Variants in COL14A1 observed in about 807,000 individuals in gnomAD.
COL14A1 encodes collagen alpha-1(XIV) chain.
Under a neutral mutation model 230.3 loss-of-function variants are expected in COL14A1, and 136 were observed. The ratio of observed to expected loss-of-function variants is 0.59; its 90% CI spans 0.51 to 0.68. COL14A1 has a LOEUF of 0.68. Ranked by LOEUF, COL14A1 falls within the 30% of genes least tolerant of loss-of-function variation. The pLI is 0.00. For synonymous variants in COL14A1, 792 were observed against 784.1 expected (o/e 1.01, Z -0.17); for missense variants, 1,976 against 2,215.8 (o/e 0.89, Z 2.17).
chr8:120,331,781 T>C lies in COL14A1; in HGVS notation c.4660-360T>C, dbSNP rs138889060. Among the ~76,000 whole-genome samples the C allele has an allele frequency of 1.8e-3, 270 of 152,366 alleles. 1 individual carries two copies. Among genetic ancestry groups the C allele is most frequent in the African/African-American group, 6.3e-3 (261 of 41,582 alleles). Reference sequence around the variant, plus strand: ...TAGAGATTCCCTGCCCAAGACTCTCTTAGGTCATGAAAGATACTAATTCAT... The same window carrying C: ...TAGAGATTCCCTGCCCAAGACTCTCCTAGGTCATGAAAGATACTAATTCAT... On this transcript the variant is annotated intron_variant, in intron 40 of 47. Coordinates refer to ENST00000297848, the MANE Select transcript of COL14A1 (RefSeq NM_021110.4).
intron 5 of COL14A1, among the ~76,000 whole-genome samples, chr8:120,177,441 G>A (rs1354635580): frequency 9.9e-5 from 15 of 151,916 alleles, no homozygotes; most frequent in Admixed American, 7.9e-4. Context: ...TTGAGGCCAC[G>A]AGTTCAAGAC....
At chr8:120,134,349 A>T (rs1305210846) in intron 1 of COL14A1, among the ~76,000 whole-genome samples, 1 of 152,112 alleles carries the variant, frequency 6.6e-6, no homozygotes, top group Non-Finnish European at 1.5e-5. Flanking sequence ...CGAAAATAAA[A>T]TATAGCATTG....
intron 18 of COL14A1, among the ~76,000 whole-genome samples, chr8:120,230,005 C>G (rs966189375): frequency 1.3e-5 from 2 of 152,156 alleles, no homozygotes; most frequent in Non-Finnish European, 1.5e-5. Context: ...CTCAGCCCCC[C>G]ACGTAGCTGG....
Position 120,262,979 on chromosome 8 carries a change from T to C in COL14A1, c.2981T>C (p.Ile994Thr), listed in dbSNP as rs765054364. ...KISVYTKLQE[I>T]EGPSVSIMEK... ...AGTGTTTATACAAAGCTCCAGGAGA[T>C]TGAAGGACCTAGTGTGAGCATAATG... is the stretch of plus-strand genomic sequence containing the variant. Residue 994 changes from isoleucine to threonine, a missense_variant, in exon 24 of 48, where the codon ATT (isoleucine) becomes ACT (threonine). Transcript: ENST00000297848. 53 of 1,613,106 alleles carry C rather than the reference T, an allele frequency of 3.3e-5. No homozygotes were observed. Among genetic ancestry groups the C allele is most frequent in the Non-Finnish European group, 4.2e-5 (50 of 1,179,690 alleles).
At chr8:120,274,926 A>G (rs1819791466) in intron 26 of COL14A1, among the ~76,000 whole-genome samples, 1 of 151,928 alleles carries the variant, frequency 6.6e-6, no homozygotes, top group Non-Finnish European at 1.5e-5. Flanking sequence ...TCCCAAAGCA[A>G]TCTACAGATT....
intron 36 of COL14A1, among the ~76,000 whole-genome samples, chr8:120,304,845 C>T (rs149517248): frequency 1.0e-3 from 156 of 152,214 alleles, no homozygotes; most frequent in African/African-American, 3.5e-3. Flanking sequence ...TACCTACTTA[C>T]GTAGGATTCC....
intron 19 of COL14A1, among the ~76,000 whole-genome samples, chr8:120,235,274 A>G (rs1181944169): frequency 1.3e-5 from 2 of 151,948 alleles, no homozygotes; most frequent in Non-Finnish European, 2.9e-5. Flanking sequence ...GGTTCCAGCG[A>G]TTCTCCTGCC....
chr8:120,158,265 G>T lies in COL14A1; in HGVS notation c.205+19G>T. 1 of 1,401,354 alleles carries T rather than the reference G, an allele frequency of 7.1e-7. No homozygotes were observed. Among genetic ancestry groups the T allele is most frequent in the Non-Finnish European group, 1.0e-6 (1 of 988,134 alleles). The allele number at this position is 1,401,354 out of a possible 1,614,324, so 86.8% of individuals were successfully genotyped here. A position where few individuals can be genotyped will look rare whatever the true frequency, so the allele number is the denominator to read the frequency against. On this transcript the variant is annotated intron_variant, in intron 3 of 47. Transcript: ENST00000297848. ...ACTTCAGGTAAAAACAATTGACTTT[G>T]TTTTGTAGAGCATTAGCAACTTTTC...
At chr8:120,260,129 A>G (rs2129747497) in intron 23 of COL14A1, among the ~76,000 whole-genome samples, 1 of 152,258 alleles carries the variant, frequency 6.6e-6, no homozygotes, top group South Asian at 2.1e-4. Context: ...TTCTGTTATA[A>G]AGTTCCCTTC....
chr8:120,367,773 CA>C (rs111378344), intron 46 of COL14A1, among the ~76,000 whole-genome samples: 469 of 139,110 alleles, frequency 3.4e-3, no homozygotes, highest in Middle Eastern at 3.6e-3. Flanking sequence ...CCATTTCTAC[CA>C]AAAAAAAAAA....
chr8:120,357,989 G>A (rs1823045285), intron 45 of COL14A1, among the ~76,000 whole-genome samples: 1 of 151,870 alleles, frequency 6.6e-6, no homozygotes, highest in Non-Finnish European at 1.5e-5. Context: ...AAGAACGAGA[G>A]AAAAAAAGCC....
At chr8:120,370,243 T>C (rs1823540134) in intron 47 of COL14A1, 8 of 1,309,080 alleles carry the variant, frequency 6.1e-6, no homozygotes, top group Non-Finnish European at 7.6e-6. Flanking sequence ...ACCTTAGTTA[T>C]CACAGGAATT....
At chr8:120,174,934 T>C (rs1816227516) in intron 5 of COL14A1, among the ~76,000 whole-genome samples, 1 of 152,206 alleles carries the variant, frequency 6.6e-6, no homozygotes, top group Admixed American at 6.5e-5. Flanking sequence ...AGGTCGTTTA[T>C]GCAACCCTTA....
chr8:120,313,984 C>T lies in COL14A1; in HGVS notation c.4508C>T (p.Pro1503Leu). The change falls in exon 38 of 48, where the codon CCT (proline) becomes CTT (leucine). Residue 1503 changes from proline (P) to leucine (L), a missense_variant. By Grantham distance (98) the Pro-to-Leu change is moderately conservative. Coordinates refer to ENST00000297848, the MANE Select transcript of COL14A1 (RefSeq NM_021110.4). ...GGTCTGCCAGGACCTCAGGGTCCACCTGGACCTCAAGGACCAAGTGGTCTG... is the reference window on the plus strand; with the variant it reads ...GGTCTGCCAGGACCTCAGGGTCCACTTGGACCTCAAGGACCAAGTGGTCTG... ...EIGLPGPQGPPGPQGPSGLSI... is the reference protein window; with the variant it reads ...EIGLPGPQGPLGPQGPSGLSI... 1 of 1,613,124 alleles carries T rather than the reference C, an allele frequency of 6.2e-7. No homozygotes were observed. The highest frequency in any genetic ancestry group is 8.5e-7 in the Non-Finnish European group (1 of 1,179,548).
chr8:120,320,610 G>T (rs1392155754), intron 40 of COL14A1, among the ~76,000 whole-genome samples: 1 of 152,144 alleles, frequency 6.6e-6, no homozygotes, highest in Non-Finnish European at 1.5e-5. Context: ...GTAATATTTT[G>T]TAAAATACTA....
At chr8:120,312,091 T>C (rs1231927211) in intron 37 of COL14A1, among the ~76,000 whole-genome samples, 4 of 151,926 alleles carry the variant, frequency 2.6e-5, no homozygotes, top group Non-Finnish European at 5.9e-5. Flanking sequence ...AGGGCAAGAC[T>C]CCATCTCAAA....
chr8:120,308,394 A>G (rs905662359), intron 36 of COL14A1, among the ~76,000 whole-genome samples: 4 of 152,250 alleles, frequency 2.6e-5, no homozygotes, highest in Admixed American at 6.5e-5. Flanking sequence ...ACAACTATGC[A>G]ACAGTTAAGA....
At chr8:120,235,342 G>GT (rs1362946932) in intron 19 of COL14A1, among the ~76,000 whole-genome samples, 9 of 151,328 alleles carry the variant, frequency 5.9e-5, no homozygotes, top group East Asian at 3.9e-4. Context: ...GCTAATTTTT[G>GT]TTTTTTTTAG....
intron 14 of COL14A1, among the ~76,000 whole-genome samples, chr8:120,224,782 G>T (rs1313622633): frequency 1.3e-5 from 2 of 152,168 alleles, no homozygotes; most frequent in Non-Finnish European, 2.9e-5. Flanking sequence ...CAAAAAACTG[G>T]CTGCTACTAG....
Sources: gnomAD v4.1 joint callset for allele counts (sites outside exome capture counted in the v4.1 genomes callset) on GRCh38, gnomAD v4.1.1 for gene constraint, MANE v1.5 for transcripts, NCBI Gene and HGNC (gene_info 2026-07-23, HGNC 2026-07-21) for gene names.